Variants in ZNF334 observed in about 807,000 individuals in gnomAD.
ZNF334 encodes zinc finger protein 334.
Under a neutral mutation model 12.4 loss-of-function variants are expected in ZNF334, and 14 were observed. The ratio of observed to expected loss-of-function variants is 1.13; its 90% CI spans 0.74 to 1.76. The LOEUF is 1.76. Ranked by LOEUF, ZNF334 falls within the 40% of genes most tolerant of loss-of-function variation. The pLI is 0.00. For synonymous variants in ZNF334, 273 were observed against 269.6 expected (o/e 1.01, Z -0.12); for missense variants, 797 against 804.5 (o/e 0.99, Z 0.11).
intron 2 of ZNF334, among the ~76,000 whole-genome samples, chr20:46,510,205 G>A (rs943443972): frequency 6.6e-6 from 1 of 152,126 alleles, no homozygotes; most frequent in East Asian, 1.9e-4. Context: ...ACATGATCAC[G>A]TTGGCATTTT....
chr20:46,487,128 G>A, the ZNF334 span, among the ~76,000 whole-genome samples: 8 of 151,954 alleles, frequency 5.3e-5, no homozygotes, highest in Non-Finnish European at 1.0e-4. Flanking sequence ...CACATCCATA[G>A]CATGTTTGAC....
downstream of ZNF334, among the ~76,000 whole-genome samples, chr20:46,494,949 A>G (rs2060996744): frequency 6.6e-6 from 1 of 152,196 alleles, no homozygotes; most frequent in South Asian, 2.1e-4. Flanking sequence ...AGTTTTGTAA[A>G]AAAGATAAAA....
chr20:46,473,636 A>G, the ZNF334 span, among the ~76,000 whole-genome samples: 1 of 152,014 alleles, frequency 6.6e-6, no homozygotes, highest in East Asian at 1.9e-4. Flanking sequence ...TCAATCATGC[A>G]TTTAAAAATG....
the ZNF334 span, among the ~76,000 whole-genome samples, chr20:46,467,350 A>AG: frequency 6.6e-6 from 1 of 152,246 alleles, no homozygotes. Context: ...TACCAAATAC[A>AG]GGGAAAAAAA....
At chr20:46,464,049 G>A in the ZNF334 span, 1 of 633,770 alleles carries the variant, frequency 1.6e-6, no homozygotes, top group Non-Finnish European at 3.1e-6. Context: ...TGTCAAAGGG[G>A]TCATTGTTCT....
chr20:46,510,371 T>C (rs563114253), intron 2 of ZNF334, among the ~76,000 whole-genome samples: 5 of 151,960 alleles, frequency 3.3e-5, no homozygotes, highest in South Asian at 2.1e-4. Flanking sequence ...GAAATGTTTA[T>C]GTGACAACAT....
At chr20:46,470,041 A>G in the ZNF334 span, among the ~76,000 whole-genome samples, 1 of 152,204 alleles carries the variant, frequency 6.6e-6, no homozygotes, top group Non-Finnish European at 1.5e-5. Flanking sequence ...TGTATTTAAA[A>G]TAGTAGAGCT....
downstream of ZNF334, among the ~76,000 whole-genome samples, chr20:46,497,089 C>CT (rs1400018421): frequency 6.6e-6 from 1 of 152,162 alleles, no homozygotes; most frequent in Non-Finnish European, 1.5e-5. Flanking sequence ...TGATTGAACT[C>CT]TAAGTGATGC....
intron 2 of ZNF334, chr20:46,509,530 G>A: frequency 1.4e-6 from 1 of 702,752 alleles, no homozygotes; most frequent in Non-Finnish European, 2.6e-6. Context: ...GGACATCTCT[G>A]GGAGGACCAC....
At chr20:46,494,439 A>G in the ZNF334 span, among the ~76,000 whole-genome samples, 1 of 152,172 alleles carries the variant, frequency 6.6e-6, no homozygotes, top group Non-Finnish European at 1.5e-5. Flanking sequence ...CAGTACGTTT[A>G]TATCTCTAAG....
At chr20:46,466,141 T>TA in the ZNF334 span, among the ~76,000 whole-genome samples, 4 of 152,100 alleles carry the variant, frequency 2.6e-5, no homozygotes, top group Admixed American at 6.5e-5. Context: ...AGAGATAATA[T>TA]AAAAAAATTT....
At chr20:46,488,417 T>TATATATA in the ZNF334 span, among the ~76,000 whole-genome samples, 2 of 98,028 alleles carry the variant, frequency 2.0e-5, 1 homozygote, top group African/African-American at 1.1e-4. Context: ...GTAGCTCTTA[T>TATATATA]TTTATATATA....
At chr20:46,469,614 C>T in the ZNF334 span, among the ~76,000 whole-genome samples, 4 of 152,012 alleles carry the variant, frequency 2.6e-5, no homozygotes, top group East Asian at 1.9e-4. Flanking sequence ...CCTCGTGATC[C>T]GCCCACTTCA....
intron 2 of ZNF334, chr20:46,506,601 A>T: frequency 2.8e-6 from 1 of 359,968 alleles, no homozygotes; most frequent in East Asian, 4.1e-5. Context: ...CCTGGGTGAC[A>T]GTGCAAGACC....
the ZNF334 span, among the ~76,000 whole-genome samples, chr20:46,465,743 A>T: frequency 6.6e-6 from 1 of 152,112 alleles, no homozygotes; most frequent in Non-Finnish European, 1.5e-5. Flanking sequence ...TCATGAGGTC[A>T]GGAGATTGAG....
In ZNF334 at chr20:46,502,129, GT is replaced by G. The variant is rs1168461124; in HGVS notation, c.1209del (p.Lys403AsnfsTer51). ...TAHQRIHTGE[K>X]PYECSECEKT... is the part of the protein sequence containing the mutation. ...TTCTCACATTCACTACATTCATAGGGTTTTTCCCCTGTGTGAATTCTCTGAT... is the reference window on the plus strand; with the variant it reads ...TTCTCACATTCACTACATTCATAGGGTTTTCCCCTGTGTGAATTCTCTGAT... On this transcript the variant is annotated frameshift_variant, in exon 5 of 5. Coordinates refer to ENST00000692313, the MANE Select transcript of ZNF334 (RefSeq NM_001353824.2). LOFTEE classifies it low-confidence loss of function (END_TRUNC). 1 of 1,614,154 alleles carries G rather than the reference GT, an allele frequency of 6.2e-7. No homozygotes were observed. The highest frequency in any genetic ancestry group is 8.5e-7 in the Non-Finnish European group (1 of 1,180,018).
At chr20:46,504,358 C>G in intron 3 of ZNF334, 52 bp from the exon 4 acceptor site, 1 of 1,490,602 alleles carries the variant, frequency 6.7e-7, no homozygotes, top group Middle Eastern at 1.7e-4. Context: ...ACATCAGAGA[C>G]TCTGAAGAAT....
the ZNF334 span, chr20:46,492,812 A>G: frequency 6.6e-6 from 1 of 152,184 alleles, no homozygotes; most frequent in Admixed American, 6.5e-5. Context: ...GTGATCAGAA[A>G]TGTACTTTTT....
rs2061293373 is a variant in ZNF334, at chr20:46,502,916, G to C, written c.423C>G (p.Asn141Lys). Residue 141 changes from asparagine (N) to lysine (K), a missense_variant, in exon 5 of 5, where the codon AAC becomes AAG. Coordinates refer to ENST00000692313, the MANE Select transcript of ZNF334 (RefSeq NM_001353824.2). ...KMPYKCNPGG[N>K]SLKTNSEVIV... ...TTACTTCTGAATTAGTTTTCAAACT[G>C]TTTCCTCCTGGATTACATTTATAGG... 6.2e-7 allele frequency: 1 copy of C among 1,613,738 alleles called. No homozygotes were observed. Among genetic ancestry groups the C allele is most frequent in the South Asian group, 1.1e-5 (1 of 91,010 alleles).
Sources: allele counts gnomAD v4.1 joint callset (sites outside exome capture counted in the v4.1 genomes callset), GRCh38; gene constraint gnomAD v4.1.1; transcripts MANE v1.5; gene names NCBI Gene and HGNC (gene_info 2026-07-23, HGNC 2026-07-21).